Variants in DHRS4L2 observed in about 807,000 individuals in gnomAD.
DHRS4L2 encodes the protein dehydrogenase/reductase SDR family member 4-like 2.
Under a neutral mutation model 23.9 loss-of-function variants are expected in DHRS4L2, and 22 were observed. That is an observed-to-expected ratio of 0.92 (90% CI 0.66 to 1.31). DHRS4L2 has a LOEUF of 1.31. Among genes scored for constraint, DHRS4L2 ranks in the 40% most tolerant of loss-of-function variants. The pLI, the probability that DHRS4L2 is intolerant of heterozygous loss-of-function variation, is 0.00. For synonymous variants in DHRS4L2, 141 were observed against 123.7 expected, an observed-to-expected ratio of 1.14 and a Z score of -0.93; for missense variants, 385 against 303.3, an observed-to-expected ratio of 1.27 and a Z score of -2.00.
intron 1 of DHRS4L2, among the ~76,000 whole-genome samples, chr14:23,989,673 C>G (rs2034225690): frequency 6.6e-6 from 1 of 151,750 alleles, no homozygotes; most frequent in South Asian, 2.1e-4. Context: ...AGATAAAATG[C>G]TAATGGCTGA....
chr14:24,000,510 G>A (rs550053470), intron 3 of DHRS4L2, among the ~76,000 whole-genome samples: 1 of 152,124 alleles, frequency 6.6e-6, no homozygotes, highest in South Asian at 2.1e-4. Flanking sequence ...TCTAGGGCAG[G>A]TCCAGGAGGC....
chr14:23,993,341 C>T (rs2034306820), intron 2 of DHRS4L2, among the ~76,000 whole-genome samples: 3 of 151,686 alleles, frequency 2.0e-5, no homozygotes, highest in African/African-American at 7.3e-5. Flanking sequence ...TAGATTAACA[C>T]GTTGACAAAC....
rs200895612 is a variant in DHRS4L2, at chr14:24,000,998, C to T, written c.480-35C>T. On this transcript the variant is annotated intron_variant, in intron 4 of 7. Coordinates refer to ENST00000335125, the MANE Select transcript of DHRS4L2 (RefSeq NM_198083.4). ...CACACAGGCTGAGGGCAGTGGTCCA[C>T]ACTGGGAAGACGGTCAGCTCTCTTC... 4.6e-3 allele frequency: 7,396 copies of T among 1,611,434 alleles called. 137 individuals are homozygous for T. The highest frequency in any genetic ancestry group is 5.8e-3 in the Non-Finnish European group (6,786 of 1,179,508).
At chr14:24,004,239 G>T (rs1483548979) in intron 6 of DHRS4L2, 98 bp from the exon 7 acceptor site, 5 of 1,439,164 alleles carry the variant, frequency 3.5e-6, no homozygotes, top group Non-Finnish European at 3.6e-6. Context: ...ACTACAGTCC[G>T]GCCTGGGCAA....
At chr14:23,993,357 A>G (rs556138489) in intron 2 of DHRS4L2, among the ~76,000 whole-genome samples, 2 of 151,846 alleles carry the variant, frequency 1.3e-5, no homozygotes, top group East Asian at 3.9e-4. Flanking sequence ...CAAACCCAGC[A>G]TTCCTTCCAC....
In DHRS4L2 at chr14:24,006,162, G is replaced by A. The variant is rs191202223; in HGVS notation, c.*299G>A. ...CAGCCTTCCCTGCCGTCAAGGTGGCGTCTTACTCGGGATTCCTGCTGTTGT... is the reference window on the plus strand; with the variant it reads ...CAGCCTTCCCTGCCGTCAAGGTGGCATCTTACTCGGGATTCCTGCTGTTGT... On this transcript the variant is annotated 3_prime_UTR_variant, in exon 8 of 8. Coordinates refer to ENST00000335125, the MANE Select transcript of DHRS4L2 (RefSeq NM_198083.4). 3.0e-5 allele frequency: 40 copies of A among 1,333,090 alleles called. No homozygotes were observed. The East Asian group carries it at 8.9e-4, about 30-fold the overall frequency. 82.6% of individuals were successfully genotyped at this position (1,333,090 alleles called of 1,614,324 possible).
chr14:23,975,414 C>A (rs985074770), intron 1 of DHRS4L2, among the ~76,000 whole-genome samples: 2 of 151,664 alleles, frequency 1.3e-5, no homozygotes, highest in African/African-American at 4.8e-5. Flanking sequence ...CAAACCACTG[C>A]TCAAGGAAAT....
At chr14:23,995,774 G>A (rs1183326159) in intron 3 of DHRS4L2, among the ~76,000 whole-genome samples, 1 of 151,520 alleles carries the variant, frequency 6.6e-6, no homozygotes, top group East Asian at 1.9e-4. Flanking sequence ...TAATTACAAA[G>A]CTTTAATTAA....
chr14:24,000,082 G>A (rs200716983), intron 3 of DHRS4L2, among the ~76,000 whole-genome samples: 5,044 of 136,978 alleles, frequency 0.037, 186 homozygotes, highest in East Asian at 0.095. Context: ...CAGAAAACTT[G>A]CAACTGAGTT....
At position 23,989,604 on chromosome 14, in the gene DHRS4L2, T is replaced by G. The variant is rs533030508; in HGVS notation, c.128+529T>G. Among the ~76,000 whole-genome samples the G allele has an allele frequency of 2.0e-5, 3 of 151,678 alleles. No homozygotes were observed. In the East Asian group the frequency reaches 5.8e-4, roughly 29 times the overall value. Reference sequence around the variant, plus strand: ...ACCCACCTCTCTTGTCAGTCCTGGTTCTCATTTCTACAGGACTTTGCTAGA... The same window carrying G: ...ACCCACCTCTCTTGTCAGTCCTGGTGCTCATTTCTACAGGACTTTGCTAGA... On this transcript the variant is annotated intron_variant, in intron 1 of 7. Coordinates refer to ENST00000335125, the MANE Select transcript of DHRS4L2 (RefSeq NM_198083.4).
chr14:23,988,736 G>A, upstream of DHRS4L2: 1 of 1,354,522 alleles, frequency 7.4e-7, no homozygotes, highest in Non-Finnish European at 9.6e-7. Context: ...CACCAGCCCG[G>A]GAAGGCAAGC....
At chr14:23,973,281 C>T (rs1279261734) in intron 1 of DHRS4L2, among the ~76,000 whole-genome samples, 1 of 151,988 alleles carries the variant, frequency 6.6e-6, no homozygotes, top group African/African-American at 2.4e-5. Flanking sequence ...TTCTGCAGTG[C>T]ATTGTGCCGC....
At position 23,971,278 on chromosome 14, in the gene DHRS4L2, C is replaced by G. The variant is rs747440813; in HGVS notation, c.-176+946C>G. On this transcript the variant is annotated intron_variant, in intron 1 of 5. Transcript: ENST00000534993. ...AAAAAAAGGTTAAACGAATGGCTAA[C>G]TAGAATGAAGAATGTAGAGAAGAGC... is the stretch of plus-strand genomic sequence containing the variant. 5.7e-4 allele frequency among the ~76,000 whole-genome samples: 86 copies of G among 151,982 alleles called. 1 individual carries two copies. The highest frequency in any genetic ancestry group is 9.4e-4 in the Non-Finnish European group (64 of 68,002).
rs763129931 is a variant in DHRS4L2, at chr14:23,989,034, G to C, written c.87G>C (p.Pro29=). 3 of 1,600,476 alleles carry C rather than the reference G, an allele frequency of 1.9e-6. No homozygotes were observed. In the East Asian group the frequency reaches 6.8e-5, roughly 36 times the overall value. Residue 29 remains proline, a synonymous_variant, in exon 1 of 8, where the codon CCG becomes CCC. Transcript: ENST00000335125. ...MASSRMTRRD[P]LTNKVALVTA... Reference sequence around the variant, plus strand: ...GCTCCAGGATGACCCGCCGGGACCCGCTCACAAATAAGGTGGCCCTGGTAA... The same window carrying C: ...GCTCCAGGATGACCCGCCGGGACCCCCTCACAAATAAGGTGGCCCTGGTAA...
In DHRS4L2 at chr14:24,004,326, T is replaced by C; in HGVS notation, c.666-11T>C. The C allele has an allele frequency of 6.3e-7, 1 of 1,593,168 alleles. No individual in the cohort carries two copies. Among genetic ancestry groups the C allele is most frequent in the Non-Finnish European group, 8.5e-7 (1 of 1,176,116 alleles). On this transcript the variant is annotated splice_polypyrimidine_tract_variant and intron_variant, in intron 6 of 7. Transcript: ENST00000335125. ...AAAAAAAACATAAAGAGATTTCCCT[T>C]CTTCCTACAGCTCTGGATGGACAAG...
At chr14:23,993,277 G>C (rs1011611212) in intron 2 of DHRS4L2, among the ~76,000 whole-genome samples, 1 of 151,768 alleles carries the variant, frequency 6.6e-6, no homozygotes, top group East Asian at 1.9e-4. Flanking sequence ...AATTTAAAGG[G>C]TGCAAGAAAG....
chr14:23,998,186 T>C lies in DHRS4L2; in HGVS notation c.409-2677T>C, dbSNP rs1425322886. On this transcript the variant is annotated intron_variant, in intron 3 of 7. Coordinates refer to ENST00000335125, the MANE Select transcript of DHRS4L2 (RefSeq NM_198083.4). ...TCAACGGTGAGCTTAAAATATTCAG[T>C]AAACCATGCTATAAACAGATGTGCT... 2.6e-5 allele frequency among the ~76,000 whole-genome samples: 4 copies of C among 152,042 alleles called. 1 individual carries two copies. The highest frequency in any genetic ancestry group is 4.2e-4 in the South Asian group (2 of 4,810).
chr14:23,973,581 A>G (rs188794457), intron 1 of DHRS4L2, among the ~76,000 whole-genome samples: 4 of 151,916 alleles, frequency 2.6e-5, no homozygotes, highest in Non-Finnish European at 2.9e-5. Context: ...GGAAAGCAAA[A>G]AAAAGCAGGG....
chr14:23,993,296 C>T (rs1275050641), intron 2 of DHRS4L2, among the ~76,000 whole-genome samples: 2 of 151,688 alleles, frequency 1.3e-5, no homozygotes, highest in Admixed American at 6.6e-5. Context: ...AGTATTAATA[C>T]CGATTTTAAA....
Sources: allele counts gnomAD v4.1 joint callset (sites outside exome capture counted in the v4.1 genomes callset), GRCh38; gene constraint gnomAD v4.1.1; transcripts MANE v1.5; gene names NCBI Gene and HGNC (gene_info 2026-07-23, HGNC 2026-07-21).